The following REV3L variants were observed in gnomAD, a reference collection of about 807,000 sequenced individuals.
REV3L encodes DNA polymerase zeta catalytic subunit.
In REV3L, 69 loss-of-function variants were observed where a neutral mutation model predicts 299.4. The ratio of observed to expected loss-of-function variants is 0.23; its 90% CI spans 0.19 to 0.28. The LOEUF (loss-of-function observed/expected upper bound fraction) is 0.28. REV3L is among the 10% of genes least tolerant of loss of function. The pLI is 1.00. For missense variants in REV3L, 3,128 were observed against 3,693.8 expected (o/e 0.85, Z 3.97); for synonymous variants, 1,238 against 1,271.4 (o/e 0.97, Z 0.56).
intron 1 of REV3L, among the ~76,000 whole-genome samples, chr6:111,438,055 TCGC>T: frequency 6.6e-6 from 1 of 151,624 alleles, no homozygotes; most frequent in East Asian, 1.9e-4. Flanking sequence ...AGACAGGGTC[TCGC>T]TAAGTGCTTA....
chr6:111,365,072 CT>C (rs1194448396), intron 15 of REV3L, among the ~76,000 whole-genome samples, 192 bp downstream of exon 15: 4 of 151,352 alleles, frequency 2.6e-5, no homozygotes, highest in Non-Finnish European at 5.9e-5. Context: ...ATATAAGAAT[CT>C]TTTAGATCCC....
chr6:111,338,903 CAG>C (rs1264918159), intron 21 of REV3L, among the ~76,000 whole-genome samples: 2 of 152,046 alleles, frequency 1.3e-5, no homozygotes, highest in African/African-American at 4.8e-5. Flanking sequence ...TATTGGTTGA[CAG>C]CACAGACTTT....
rs1562212163 is a variant in REV3L at position 111,375,095 on chromosome 6, G to A, written c.3260C>T (p.Pro1087Leu). 3 of 1,613,664 alleles carry A rather than the reference G, an allele frequency of 1.9e-6. No homozygotes were observed. The highest frequency in any genetic ancestry group is 2.2e-5 in the East Asian group (1 of 44,868). Residue 1087 changes from proline (P) to leucine (L), a missense_variant, in exon 13 of 32, where the codon CCT becomes CTT. Around this residue, in one of 9 missense-constraint regions of REV3L, gnomAD observed 2,409 missense variants for 2,611.8 expected, o/e 0.92. Coordinates refer to ENST00000368802, the MANE Select transcript of REV3L (RefSeq NM_001372078.1). ...TTCAGCATTGTAAGATGGTGAGGGA[G>A]GAGAAAGAATAGCATGTGACCGTTT... Reference protein sequence around the residue: ...RKKRSHAILSPPSPSYNAETE... With the variant: ...RKKRSHAILSLPSPSYNAETE...
rs138710741 is a variant in REV3L at position 111,461,116 on chromosome 6, A to G, written c.139+21634T>C. Reference sequence around the variant, plus strand: ...TACATAAAAAGGAAAGTTAACTGTAAAACAGCCTCAGGTAAGTCCTTCAGG... The same window carrying G: ...TACATAAAAAGGAAAGTTAACTGTAGAACAGCCTCAGGTAAGTCCTTCAGG... On this transcript the variant is annotated intron_variant, in intron 1 of 31. Transcript: ENST00000368802. 2.7e-3 allele frequency among the ~76,000 whole-genome samples: 408 copies of G among 150,458 alleles called. 2 individuals are homozygous for G. The highest frequency in any genetic ancestry group is 8.4e-3 in the South Asian group (40 of 4,784).
chr6:111,425,847 A>G (rs1299470940), intron 1 of REV3L, among the ~76,000 whole-genome samples: 1 of 152,184 alleles, frequency 6.6e-6, no homozygotes, highest in East Asian at 1.9e-4. Flanking sequence ...GAAGAGAGAG[A>G]AATTATAAAA....
At chr6:111,390,315 A>G (rs1781790221) in intron 5 of REV3L, 135 bp from the exon 6 acceptor site, 7 of 608,004 alleles carry the variant, frequency 1.2e-5, no homozygotes, top group Admixed American at 2.8e-5. Flanking sequence ...TTATTCTGAC[A>G]AAATTGATAC....
At chr6:111,458,153 C>T (rs1197917887) in intron 1 of REV3L, among the ~76,000 whole-genome samples, 1 of 151,976 alleles carries the variant, frequency 6.6e-6, no homozygotes, top group Non-Finnish European at 1.5e-5. Context: ...AAATCAATCA[C>T]TGTGATTCAC....
intron 1 of REV3L, among the ~76,000 whole-genome samples, chr6:111,475,763 C>T (rs990570402): frequency 6.6e-6 from 1 of 152,166 alleles, no homozygotes; most frequent in Non-Finnish European, 1.5e-5. Context: ...TTCCCCTGTA[C>T]AGAATTTTAT....
At chr6:111,379,249 T>C (rs913349867) in intron 11 of REV3L, among the ~76,000 whole-genome samples, 21 of 152,214 alleles carry the variant, frequency 1.4e-4, no homozygotes, top group African/African-American at 5.1e-4. Context: ...ACTTTCATCA[T>C]ATACATGTAA....
chr6:111,367,047 T>C (rs1200242704), intron 14 of REV3L, 68 bp downstream of exon 14: 8 of 1,294,438 alleles, frequency 6.2e-6, no homozygotes, highest in Non-Finnish European at 7.4e-6. Context: ...TTCATTACAG[T>C]CTAATGTTAT....
At chr6:111,317,728 G>A (rs1256236032) in intron 26 of REV3L, among the ~76,000 whole-genome samples, 1 of 152,188 alleles carries the variant, frequency 6.6e-6, no homozygotes, top group Admixed American at 6.5e-5. Context: ...AACTCTGGAG[G>A]CTGAAGTGGA....
intron 3 of REV3L, among the ~76,000 whole-genome samples, chr6:111,409,638 A>C (rs1287139131): frequency 6.6e-6 from 1 of 152,194 alleles, no homozygotes; most frequent in Non-Finnish European, 1.5e-5. Flanking sequence ...GTTTTCTCTA[A>C]GAAGGTAAGG....
intron 1 of REV3L, among the ~76,000 whole-genome samples, chr6:111,434,012 A>AT (rs1787244232): frequency 6.6e-6 from 1 of 152,214 alleles, no homozygotes; most frequent in Non-Finnish European, 1.5e-5. Flanking sequence ...TCACTTCATG[A>AT]TAAAAACCCT....
At chr6:111,303,852 T>G (rs77278020) in intron 31 of REV3L, among the ~76,000 whole-genome samples, 3,697 of 151,502 alleles carry the variant, frequency 0.024, 59 homozygotes, top group Admixed American at 0.064. Context: ...CCTGAGTAGT[T>G]GGGAGTACAA....
At chr6:111,322,052 G>A (rs537823690) in intron 26 of REV3L, among the ~76,000 whole-genome samples, 1 of 152,214 alleles carries the variant, frequency 6.6e-6, no homozygotes, top group Admixed American at 6.5e-5. Context: ...TAAATAATAG[G>A]CTTGAGGAAG....
chr6:111,417,744 G>A (rs933560917), intron 1 of REV3L, among the ~76,000 whole-genome samples: 12 of 152,100 alleles, frequency 7.9e-5, no homozygotes, highest in African/African-American at 2.7e-4. Flanking sequence ...GTACACTTAC[G>A]ACAGAAAAAT....
At chr6:111,433,345 A>G (rs1209838427) in intron 1 of REV3L, among the ~76,000 whole-genome samples, 2 of 152,170 alleles carry the variant, frequency 1.3e-5, no homozygotes, top group Non-Finnish European at 2.9e-5. Flanking sequence ...ATAAAACCAG[A>G]AACAAAAGAG....
At chr6:111,363,709 T>C (rs1160118211) in intron 16 of REV3L, 144 bp downstream of exon 16, 9 of 745,316 alleles carry the variant, frequency 1.2e-5, no homozygotes, top group Admixed American at 6.7e-5. Context: ...ATATACAAAA[T>C]AGTAAAATGA....
chr6:111,450,492 A>C (rs891585161), intron 1 of REV3L, among the ~76,000 whole-genome samples: 3 of 150,682 alleles, frequency 2.0e-5, no homozygotes, highest in South Asian at 2.1e-4. Flanking sequence ...AAAAAAAAAA[A>C]AAAAAAAAAA....
Sources: allele counts gnomAD v4.1 joint callset (sites outside exome capture counted in the v4.1 genomes callset), GRCh38; gene constraint gnomAD v4.1.1; regional missense constraint gnomAD v4.1.1; transcripts MANE v1.5; gene names NCBI Gene and HGNC (gene_info 2026-07-23, HGNC 2026-07-21).